Variants in SLA observed in about 807,000 individuals in gnomAD.
SLA encodes the protein Src like adaptor.
Under a neutral mutation model 30.3 loss-of-function variants are expected in SLA, and 16 were observed. The observed-to-expected ratio is 0.53, with a 90% CI of 0.36 to 0.80. The LOEUF (loss-of-function observed/expected upper bound fraction) is 0.80, where lower values mean the gene tolerates loss of function less well. Among genes scored for constraint, SLA ranks in the 30% least tolerant of loss-of-function variants. The pLI, the probability that SLA is intolerant of heterozygous loss-of-function variation, is 0.01. For synonymous variants in SLA, 143 were observed against 137.8 expected, an observed-to-expected ratio of 1.04 and a Z score of -0.26; for missense variants, 310 against 345.2, an observed-to-expected ratio of 0.90 and a Z score of 0.81.
intron 7 of SLA, among the ~76,000 whole-genome samples, chr8:133,042,076 C>T (rs924611758): frequency 2.6e-5 from 4 of 152,080 alleles, no homozygotes; most frequent in African/African-American, 9.7e-5. Flanking sequence ...TGTGAGCCAC[C>T]ACACCCGGCT....
At chr8:133,070,596 A>G (rs373425592) in intron 2 of SLA, among the ~76,000 whole-genome samples, 1 of 152,152 alleles carries the variant, frequency 6.6e-6, no homozygotes, top group Non-Finnish European at 1.5e-5. Flanking sequence ...GAGGTAAGTA[A>G]TTTGCTCAGA....
chr8:133,057,274 A>G (rs756953473), intron 3 of SLA, among the ~76,000 whole-genome samples: 10 of 152,206 alleles, frequency 6.6e-5, no homozygotes, highest in Non-Finnish European at 1.3e-4. Context: ...AGGTGGAAAT[A>G]TGCCATTTCC....
At chr8:133,053,503 G>A (rs1336063992) in intron 3 of SLA, among the ~76,000 whole-genome samples, 1 of 152,174 alleles carries the variant, frequency 6.6e-6, no homozygotes, top group Non-Finnish European at 1.5e-5. Flanking sequence ...TTTGTGGGAG[G>A]CAGCTGGGTA....
chr8:133,096,415 T>A (rs1564186767), intron 1 of SLA: 1 of 1,611,666 alleles, frequency 6.2e-7, no homozygotes, highest in Non-Finnish European at 8.5e-7. Context: ...GCTGGGCATT[T>A]CCTAAGGGCT....
intron 1 of SLA, among the ~76,000 whole-genome samples, chr8:133,084,748 C>A (rs1846267791): frequency 6.6e-6 from 1 of 152,244 alleles, no homozygotes; most frequent in African/African-American, 2.4e-5. Context: ...CCCCTTAGAG[C>A]GCTCCCCCAC....
intron 1 of SLA, among the ~76,000 whole-genome samples, chr8:133,085,470 G>A (rs868386328): frequency 4.6e-5 from 7 of 152,294 alleles, no homozygotes; most frequent in Middle Eastern, 3.4e-3. Context: ...TAAGGGACTT[G>A]TACCAAGAAA....
At chr8:133,062,714 C>A (rs573398200) in intron 2 of SLA, among the ~76,000 whole-genome samples, 1 of 152,012 alleles carries the variant, frequency 6.6e-6, no homozygotes, top group Non-Finnish European at 1.5e-5. Flanking sequence ...CACAGGGTGT[C>A]GTACACAGGC....
intron 1 of SLA, chr8:133,095,356 C>T: frequency 8.8e-7 from 1 of 1,132,596 alleles, no homozygotes; most frequent in Non-Finnish European, 1.3e-6. Context: ...ATTCCCTAGC[C>T]CCTAGAGCTG....
At chr8:133,049,513 T>G (rs930151134) in intron 5 of SLA, 1 of 289,456 alleles carries the variant, frequency 3.5e-6, no homozygotes, top group Non-Finnish European at 6.8e-6. Context: ...AGGGAACTGA[T>G]GCATAAAAAG....
At position 133,047,852 on chromosome 8, in the gene SLA, G is replaced by C; in HGVS notation, c.330C>G (p.Ile110Met). Residue 110 changes from isoleucine to methionine, a missense_variant, in exon 6 of 9, where the codon ATC (isoleucine) becomes ATG (methionine). Physicochemically the swap from Ile to Met is conservative, Grantham distance 10. Transcript: ENST00000338087. ...CACCTTTCTTGGTCTCACTCTCTCTGATCATGAAGGAGCCGACCTTTGTGT... is the reference window on the plus strand; with the variant it reads ...CACCTTTCTTGGTCTCACTCTCTCTCATCATGAAGGAGCCGACCTTTGTGT... ...LPDTKVGSFM[I>M]RESETKKGFY... is the part of the protein sequence containing the mutation. 6.2e-7 allele frequency: 1 copy of C among 1,605,694 alleles called. No homozygotes were observed. The highest frequency in any genetic ancestry group is 8.5e-7 in the Non-Finnish European group (1 of 1,172,364).
At chr8:133,083,810 C>T (rs940963969) in intron 1 of SLA, among the ~76,000 whole-genome samples, 1 of 152,188 alleles carries the variant, frequency 6.6e-6, no homozygotes, top group Admixed American at 6.5e-5. Context: ...ATGTGCCCTT[C>T]TCATCCAGTG....
chr8:133,048,691 A>C (rs1414654993), intron 5 of SLA: 1 of 157,960 alleles, frequency 6.3e-6, no homozygotes, highest in East Asian at 1.8e-4. Flanking sequence ...CTAGTGAATG[A>C]ATGGCTCCAG....
chr8:133,086,040 C>A (rs7845018), intron 1 of SLA, among the ~76,000 whole-genome samples: 1 of 151,960 alleles, frequency 6.6e-6, no homozygotes, highest in Admixed American at 6.6e-5. Context: ...AATTTAGCAG[C>A]GAAAAGATAT....
chr8:133,081,588 G>GAA (rs35336483), intron 1 of SLA, among the ~76,000 whole-genome samples: 4 of 151,246 alleles, frequency 2.6e-5, no homozygotes, highest in Admixed American at 6.6e-5. Context: ...GGAAGAAGAA[G>GAA]AAAAAAAAAG....
chr8:133,064,303 T>C (rs1842781076), intron 2 of SLA: 1 of 152,258 alleles, frequency 6.6e-6, no homozygotes, highest in African/African-American at 2.4e-5. Flanking sequence ...TTGGCGTTTT[T>C]CAAATGAAGT....
At chr8:133,057,357 T>C (rs1192117388) in intron 3 of SLA, among the ~76,000 whole-genome samples, 1 of 152,184 alleles carries the variant, frequency 6.6e-6, no homozygotes, top group Admixed American at 6.5e-5. Context: ...GAAGTATGTA[T>C]AGAATTGTAG....
At chr8:133,061,494 A>G (rs1300846073) in intron 2 of SLA, among the ~76,000 whole-genome samples, 1 of 152,232 alleles carries the variant, frequency 6.6e-6, no homozygotes, top group Non-Finnish European at 1.5e-5. Context: ...CTGGACCTTC[A>G]TACAAATATT....
intron 1 of SLA, among the ~76,000 whole-genome samples, chr8:133,084,565 C>G (rs1392317059): frequency 6.6e-6 from 1 of 152,180 alleles, no homozygotes; most frequent in Non-Finnish European, 1.5e-5. Flanking sequence ...TGGCTTCTGA[C>G]AGCCAGAAGG....
intron 1 of SLA, among the ~76,000 whole-genome samples, chr8:133,098,747 A>C (rs1397743105): frequency 6.6e-6 from 1 of 152,214 alleles, no homozygotes; most frequent in East Asian, 1.9e-4. Flanking sequence ...AATGCCATCC[A>C]TCAGGGAGGG....
Sources: allele counts gnomAD v4.1 joint callset (sites outside exome capture counted in the v4.1 genomes callset), GRCh38; gene constraint gnomAD v4.1.1; transcripts MANE v1.5; gene names NCBI Gene and HGNC (gene_info 2026-07-23, HGNC 2026-07-21).